The following BNC2 variants were observed in gnomAD, a reference collection of about 807,000 sequenced individuals.
BNC2 encodes the protein basonuclin zinc finger protein 2, also known as zinc finger protein basonuclin-2.
A neutral mutation model predicts 76.3 loss-of-function variants in BNC2; 20 were observed. That is an observed-to-expected ratio of 0.26 (90% CI 0.18 to 0.38). The LOEUF is 0.38. BNC2 is among the 10% of genes least tolerant of loss of function. BNC2 has a pLI of 1.00. For synonymous variants in BNC2, 582 were observed against 514.8 expected (o/e 1.13, Z -1.77); for missense variants, 1,382 against 1,399.8 (o/e 0.99, Z 0.20).
chr9:16,468,048 T>TG (rs1429708840), intron 5 of BNC2, among the ~76,000 whole-genome samples: 2 of 148,980 alleles, frequency 1.3e-5, no homozygotes, highest in East Asian at 3.9e-4. Context: ...CTCTTTTTTT[T>TG]TTTTTTTTTT....
At chr9:16,841,609 C>A (rs1244976118) in intron 1 of BNC2, among the ~76,000 whole-genome samples, 4 of 152,074 alleles carry the variant, frequency 2.6e-5, no homozygotes, top group Admixed American at 6.5e-5. Flanking sequence ...TGAGTGGTTT[C>A]ACTGCACTGT....
chr9:16,759,724 TA>T (rs1460214121), intron 1 of BNC2, among the ~76,000 whole-genome samples: 6 of 81,016 alleles, frequency 7.4e-5, no homozygotes, highest in Non-Finnish European at 1.4e-4. Context: ...AGACATAAAC[TA>T]TTTTTTTTTT....
At chr9:16,778,592 G>C (rs544981028) in intron 1 of BNC2, among the ~76,000 whole-genome samples, 3 of 152,274 alleles carry the variant, frequency 2.0e-5, no homozygotes, top group South Asian at 2.1e-4. Flanking sequence ...GGTAGCATCT[G>C]TATTTTGCAG....
intron 3 of BNC2, among the ~76,000 whole-genome samples, chr9:16,704,225 G>A (rs745457627): frequency 5.9e-5 from 9 of 152,058 alleles, no homozygotes; most frequent in Non-Finnish European, 1.3e-4. Flanking sequence ...TAATGCACAC[G>A]ATTACAACTG....
intron 3 of BNC2, among the ~76,000 whole-genome samples, chr9:16,589,754 C>T (rs554736553): frequency 4.6e-5 from 7 of 152,054 alleles, no homozygotes; most frequent in Non-Finnish European, 8.8e-5. Context: ...GTGATCCACC[C>T]GCCTCGGCCT....
At chr9:16,673,682 A>G (rs1822553471) in intron 3 of BNC2, among the ~76,000 whole-genome samples, 1 of 152,246 alleles carries the variant, frequency 6.6e-6, no homozygotes, top group African/African-American at 2.4e-5. Context: ...CTCATAAACA[A>G]TGATCATTTC....
At chr9:16,444,488 C>T (rs1175434331) in intron 5 of BNC2, among the ~76,000 whole-genome samples, 1 of 152,108 alleles carries the variant, frequency 6.6e-6, no homozygotes, top group African/African-American at 2.4e-5. Context: ...GGACATGTAT[C>T]AGAATGTGAC....
intron 3 of BNC2, among the ~76,000 whole-genome samples, chr9:16,667,080 T>TACACACACAC (rs139744564): frequency 7.0e-6 from 1 of 142,492 alleles, no homozygotes; most frequent in East Asian, 2.1e-4. Flanking sequence ...CAGATACACA[T>TACACACACAC]ACACACACAC....
chr9:16,654,180 G>C (rs1381661617), intron 3 of BNC2, among the ~76,000 whole-genome samples: 1 of 152,162 alleles, frequency 6.6e-6, no homozygotes, highest in African/African-American at 2.4e-5. Context: ...AACTACAGTA[G>C]AAATTGTATT....
At chr9:16,523,469 T>A (rs1817685481) in intron 5 of BNC2, among the ~76,000 whole-genome samples, 2 of 120,052 alleles carry the variant, frequency 1.7e-5, no homozygotes, top group East Asian at 2.4e-4. Flanking sequence ...AGACCCCGTC[T>A]CAAAACAAAA....
At chr9:16,451,098 A>G (rs1821330942) in intron 5 of BNC2, among the ~76,000 whole-genome samples, 1 of 152,022 alleles carries the variant, frequency 6.6e-6, no homozygotes, top group African/African-American at 2.4e-5. Context: ...TTGCCTTTTT[A>G]CCTTTTGCTA....
chr9:16,694,024 C>T (rs922579719), intron 3 of BNC2, among the ~76,000 whole-genome samples: 1 of 152,156 alleles, frequency 6.6e-6, no homozygotes, highest in African/African-American at 2.4e-5. Flanking sequence ...CAAGTAATCA[C>T]CATCAAGCTA....
At chr9:16,575,171 A>G (rs1463397999) in intron 4 of BNC2, 1 of 704,990 alleles carries the variant, frequency 1.4e-6, no homozygotes, top group Non-Finnish European at 1.7e-6. Flanking sequence ...ACTTGGCAAG[A>G]TTCTACCTAC....
At chr9:16,603,871 A>T (rs893762955) in intron 3 of BNC2, among the ~76,000 whole-genome samples, 3 of 88,316 alleles carry the variant, frequency 3.4e-5, no homozygotes, top group East Asian at 4.7e-4. Context: ...ATATTCTCTT[A>T]AAAATTAGGT....
At chr9:16,849,293 T>C (rs919312289) in intron 1 of BNC2, among the ~76,000 whole-genome samples, 2 of 151,948 alleles carry the variant, frequency 1.3e-5, no homozygotes, top group Non-Finnish European at 2.9e-5. Context: ...ATTTTCAAAA[T>C]TGCTAGTTAT....
intron 2 of BNC2, among the ~76,000 whole-genome samples, chr9:16,736,444 T>TTA (rs56118953): frequency 0.9 from 134,557 of 149,248 alleles, 60,687 homozygotes; most frequent in Non-Finnish European, 0.91. Context: ...ACAGAGACTA[T>TTA]TTATTATTAT....
chr9:16,842,313 G>C (rs918104275), intron 1 of BNC2, among the ~76,000 whole-genome samples: 1 of 152,114 alleles, frequency 6.6e-6, no homozygotes, highest in African/African-American at 2.4e-5. Context: ...GATACTTTCT[G>C]TTTCTGTGAT....
At chr9:16,745,199 TA>T (rs1305189871) in intron 1 of BNC2, among the ~76,000 whole-genome samples, 1 of 152,170 alleles carries the variant, frequency 6.6e-6, no homozygotes, top group African/African-American at 2.4e-5. Flanking sequence ...ATACAAGTAC[TA>T]AAGTATCAGT....
intron 5 of BNC2, among the ~76,000 whole-genome samples, chr9:16,468,136 G>T (rs1439061772): frequency 6.6e-6 from 1 of 150,424 alleles, no homozygotes; most frequent in South Asian, 2.1e-4. Context: ...GACCTCCTGG[G>T]CTCAAGTGAT....
Sources: gnomAD v4.1 joint callset for allele counts (sites outside exome capture counted in the v4.1 genomes callset) on GRCh38, gnomAD v4.1.1 for gene constraint, MANE v1.5 for transcripts, NCBI Gene and HGNC (gene_info 2026-07-23, HGNC 2026-07-21) for gene names.